GLRA1: variants seen among roughly 807,000 people sequenced by gnomAD.
GLRA1 encodes glycine receptor alpha 1, also known as glycine receptor subunit alpha-1.
Under a neutral mutation model 48.3 loss-of-function variants are expected in GLRA1, and 37 were observed. The observed-to-expected ratio is 0.77, with a 90% confidence interval of 0.59 to 1.01. GLRA1 has a LOEUF of 1.01. Among genes scored for constraint, GLRA1 ranks in the 50% least tolerant of loss-of-function variants. The pLI, the probability that GLRA1 is intolerant of heterozygous loss-of-function variation, is 0.00. For synonymous variants in GLRA1, 196 were observed against 210.7 expected, an observed-to-expected ratio of 0.93 and a Z score of 0.60; for missense variants, 427 against 571.0, an observed-to-expected ratio of 0.75 and a Z score of 2.57.
intron 4 of GLRA1, among the ~76,000 whole-genome samples, chr5:151,857,824 G>A (rs906476824): frequency 1.4e-4 from 22 of 152,214 alleles, no homozygotes; most frequent in African/African-American, 5.3e-4. Context: ...CCTGCTGCAG[G>A]GGATGGAGAA....
At chr5:151,824,063 TC>T (rs1463124357) in intron 8 of GLRA1, among the ~76,000 whole-genome samples, 1 of 151,030 alleles carries the variant, frequency 6.6e-6, no homozygotes, top group Non-Finnish European at 1.5e-5. Context: ...TTCTGCTTGT[TC>T]CTGTGCAGGA....
intron 3 of GLRA1, among the ~76,000 whole-genome samples, chr5:151,869,000 T>C (rs1753408105): frequency 6.6e-6 from 1 of 152,228 alleles, no homozygotes; most frequent in South Asian, 2.1e-4. Flanking sequence ...GCATCTTTGT[T>C]TGTCTTTAGG....
intron 7 of GLRA1, among the ~76,000 whole-genome samples, chr5:151,845,185 A>T (rs1460432613): frequency 6.6e-6 from 1 of 152,174 alleles, no homozygotes; most frequent in African/African-American, 2.4e-5. Context: ...TGAGGAATCC[A>T]CTCCTATGAT....
chr5:151,913,427 T>C (rs1754664196), intron 1 of GLRA1, among the ~76,000 whole-genome samples: 1 of 152,212 alleles, frequency 6.6e-6, no homozygotes, highest in Non-Finnish European at 1.5e-5. Flanking sequence ...GTACTGCTTA[T>C]GGACAATGAG....
chr5:151,861,211 G>T (rs1753196087), intron 3 of GLRA1, among the ~76,000 whole-genome samples: 1 of 152,160 alleles, frequency 6.6e-6, no homozygotes, highest in Non-Finnish European at 1.5e-5. Flanking sequence ...CTTTATAGCA[G>T]CATGATTTAT....
chr5:151,824,633 A>G (rs1315864627), intron 8 of GLRA1, among the ~76,000 whole-genome samples: 1 of 152,126 alleles, frequency 6.6e-6, no homozygotes, highest in Non-Finnish European at 1.5e-5. Flanking sequence ...TCTTGTCTCC[A>G]ACTCCTCTTT....
chr5:151,855,886 C>T (rs1313505550), intron 5 of GLRA1, among the ~76,000 whole-genome samples: 1 of 152,212 alleles, frequency 6.6e-6, no homozygotes, highest in African/African-American at 2.4e-5. Flanking sequence ...ACGCTTTCTG[C>T]CACGAGGCCA....
At chr5:151,920,104 T>A (rs1435639755) in intron 1 of GLRA1, among the ~76,000 whole-genome samples, 2 of 152,250 alleles carry the variant, frequency 1.3e-5, no homozygotes, top group Non-Finnish European at 2.9e-5. Context: ...AGTTTTAGAC[T>A]GGACACATAA....
chr5:151,871,893 C>T (rs1753496523), intron 3 of GLRA1, among the ~76,000 whole-genome samples: 1 of 149,750 alleles, frequency 6.7e-6, no homozygotes, highest in East Asian at 1.9e-4. Flanking sequence ...CCTCAATAAA[C>T]TGATTCTAAA....
Position 151,839,948 on chromosome 5 carries a change from CTG to C in GLRA1, c.913-10883_913-10882del, listed in dbSNP as rs1763671721. On this transcript the variant is annotated intron_variant, in intron 7 of 8. Coordinates refer to ENST00000274576, the MANE Select transcript of GLRA1 (RefSeq NM_000171.4). ...TTAGCAGTCCAAGTAAACTAAGACACTGTTGTAATTAAGTTAGTATTAATAAT... is the reference window on the plus strand; with the variant it reads ...TTAGCAGTCCAAGTAAACTAAGACACTTGTAATTAAGTTAGTATTAATAAT... Among the ~76,000 whole-genome samples the C allele has an allele frequency of 2.6e-5, 4 of 151,966 alleles. No individual in the cohort carries two copies. The South Asian group carries it at 8.3e-4, about 32-fold the overall frequency.
intron 4 of GLRA1, among the ~76,000 whole-genome samples, chr5:151,859,065 C>T (rs1315454639): frequency 6.6e-6 from 1 of 152,134 alleles, no homozygotes; most frequent in East Asian, 1.9e-4. Flanking sequence ...AAACCTGCTT[C>T]ATGGGGTTAT....
At chr5:151,899,432 G>A (rs1413599333) in intron 1 of GLRA1, among the ~76,000 whole-genome samples, 1 of 152,220 alleles carries the variant, frequency 6.6e-6, no homozygotes, top group Non-Finnish European at 1.5e-5. Context: ...CTGTGGGCTG[G>A]TCTTTTTCTA....
At chr5:151,850,095 G>A in intron 7 of GLRA1, 1 of 1,603,860 alleles carries the variant, frequency 6.2e-7, no homozygotes, top group East Asian at 2.2e-5. Flanking sequence ...TACCCTCATG[G>A]GGACAGATGG....
At chr5:151,872,567 C>G (rs1753514975) in intron 3 of GLRA1, among the ~76,000 whole-genome samples, 1 of 149,640 alleles carries the variant, frequency 6.7e-6, no homozygotes, top group African/African-American at 2.6e-5. Flanking sequence ...GAAATGCACA[C>G]AGAGGGTTAT....
chr5:151,837,143 TG>T (rs1763598643), intron 7 of GLRA1, among the ~76,000 whole-genome samples: 1 of 152,138 alleles, frequency 6.6e-6, no homozygotes, highest in Non-Finnish European at 1.5e-5. Context: ...CATCAAAAAG[TG>T]GGCAAAGGAT....
At chr5:151,910,941 C>G (rs1471149929) in intron 1 of GLRA1, among the ~76,000 whole-genome samples, 1 of 152,180 alleles carries the variant, frequency 6.6e-6, no homozygotes, top group African/African-American at 2.4e-5. Flanking sequence ...CTCAATGTAT[C>G]TATCCCCAGA....
intron 1 of GLRA1, among the ~76,000 whole-genome samples, chr5:151,911,903 C>T (rs530309182): frequency 6.6e-5 from 10 of 151,968 alleles, no homozygotes; most frequent in East Asian, 3.9e-4. Context: ...CCACCGCGCC[C>T]GGCCCCAAGC....
rs540833753 is a variant in GLRA1, at chr5:151,903,564, T to C, written c.57-11126A>G. Among the ~76,000 whole-genome samples, 25 of 152,230 alleles carry C rather than the reference T, an allele frequency of 1.6e-4. No homozygotes were observed. In the South Asian group the frequency reaches 2.3e-3, roughly 14 times the overall value. ...TCCAAAGTCTTGGGCAAGAAGTGAGTAGTAGAGTCGTAGAATTACGAGACC... is the reference window on the plus strand; with the variant it reads ...TCCAAAGTCTTGGGCAAGAAGTGAGCAGTAGAGTCGTAGAATTACGAGACC... On this transcript the variant is annotated intron_variant, in intron 1 of 8. Coordinates refer to ENST00000274576, the MANE Select transcript of GLRA1 (RefSeq NM_000171.4).
chr5:151,848,093 G>C lies in GLRA1; in HGVS notation c.912+3297C>G, dbSNP rs1397437424. 2.6e-5 allele frequency among the ~76,000 whole-genome samples: 4 copies of C among 152,354 alleles called. No homozygotes were observed. The East Asian group carries it at 7.7e-4, about 29-fold the overall frequency. ...AGAAAAGGGTTAACAAAACAGGCCT[G>C]AGGCTGCTATCTTAGAAAGGGCCTG... On this transcript the variant is annotated intron_variant, in intron 7 of 8. Transcript: ENST00000274576.
Sources: gnomAD v4.1 joint callset for allele counts (sites outside exome capture counted in the v4.1 genomes callset) on GRCh38, gnomAD v4.1.1 for gene constraint, MANE v1.5 for transcripts, NCBI Gene and HGNC (gene_info 2026-07-23, HGNC 2026-07-21) for gene names.